AGBL5: variants seen among roughly 807,000 people sequenced by gnomAD.
AGBL5 encodes AGBL carboxypeptidase 5.
A neutral mutation model predicts 88.0 loss-of-function variants in AGBL5; 51 were observed. That is an observed-to-expected ratio of 0.58 (90% CI 0.46 to 0.73). The LOEUF is 0.73. Among genes scored for constraint, AGBL5 ranks in the 30% least tolerant of loss-of-function variants. AGBL5 has a pLI of 0.00. For missense variants in AGBL5, 1,031 were observed against 1,162.2 expected (o/e 0.89, Z 1.64); for synonymous variants, 446 against 438.8 (o/e 1.02, Z -0.21).
At chr2:27,065,370 G>A (rs763393939) in intron 11 of AGBL5, among the ~76,000 whole-genome samples, 4 of 152,092 alleles carry the variant, frequency 2.6e-5, no homozygotes, top group Non-Finnish European at 4.4e-5. Context: ...AATAAGTCTC[G>A]AGACATGAGT....
At chr2:27,069,771 C>A in intron 14 of AGBL5, 65 bp downstream of exon 14, 3 of 1,551,680 alleles carry the variant, frequency 1.9e-6, no homozygotes, top group Middle Eastern at 1.8e-4. Flanking sequence ...CCATTTCTGT[C>A]ATTCAGAATA....
rs1362720662 is a variant in AGBL5 at position 27,055,815 on chromosome 2, T to C, written c.1042T>C (p.Ser348Pro). ...VHSRLNSQSS[S>P]EHQPSSCLPP... ...CTCTCGTCTGAACTCCCAGAGTTCC[T>C]CTGAGCACCAGCCCAGTTCCTGTCT... Residue 348 changes from serine to proline, a missense_variant, in exon 7 of 15, where the codon TCT becomes CCT. This residue lies in a region of AGBL5 where 540 missense variants were observed against 678.2 expected (regional missense o/e 0.80). Coordinates refer to ENST00000360131, the MANE Select transcript of AGBL5 (RefSeq NM_021831.6). 6.2e-7 allele frequency: 1 copy of C among 1,614,194 alleles called. No individual in the cohort carries two copies.
rs1669054999 is a variant in AGBL5, at chr2:27,067,579, T to C, written c.2175T>C (p.Thr725=). The change falls in exon 12 of 15, where the codon ACT becomes ACC. Residue 725 remains threonine (T), a synonymous_variant. Coordinates refer to ENST00000360131, the MANE Select transcript of AGBL5 (RefSeq NM_021831.6). ...GCCTCGCTCCATCCCCAGCTCCTACTAGTTCTGGCCCAGCCTCCTCACACA... is the reference window on the plus strand; with the variant it reads ...GCCTCGCTCCATCCCCAGCTCCTACCAGTTCTGGCCCAGCCTCCTCACACA... ...AGSLAPSPAP[T]SSGPASSHKL... The C allele has an allele frequency of 1.2e-6, 2 of 1,613,970 alleles. No homozygotes were observed. Among genetic ancestry groups the C allele is most frequent in the Non-Finnish European group, 1.7e-6 (2 of 1,180,008 alleles).
intron 10 of AGBL5, 148 bp from the exon 11 acceptor site, chr2:27,059,042 A>T (rs1442572579): frequency 7.7e-6 from 6 of 779,500 alleles, no homozygotes; most frequent in Non-Finnish European, 1.3e-5. Context: ...TACTTCATCC[A>T]CGGACATGAA....
chr2:27,058,527 G>C lies in AGBL5; in HGVS notation c.1799G>C (p.Ser600Thr), dbSNP rs1257950641. The change falls in exon 10 of 15, where the codon AGC becomes ACC. Residue 600 changes from serine to threonine, a missense_variant. By Grantham distance (58) the Ser-to-Thr change is moderately conservative (BLOSUM62 1). Coordinates refer to ENST00000360131, the MANE Select transcript of AGBL5 (RefSeq NM_021831.6). ...TGGATGCTGAAACATGTACGCAACA[G>C]CCGAGGCCTAAGCAGCACTCTGAAT... ...RAWMLKHVRNSRGLSSTLNVG... is the reference protein window; with the variant it reads ...RAWMLKHVRNTRGLSSTLNVG... 1 of 1,614,206 alleles carries C rather than the reference G, an allele frequency of 6.2e-7. No homozygotes were observed. Among genetic ancestry groups the C allele is most frequent in the East Asian group, 2.2e-5 (1 of 44,890 alleles).
At chr2:27,059,595 G>T in intron 11 of AGBL5, 191 bp downstream of exon 11, 2 of 1,366,712 alleles carry the variant, frequency 1.5e-6, no homozygotes, top group Non-Finnish European at 2.0e-6. Context: ...GCGGTATTGT[G>T]TGTGGCCAGA....
At position 27,058,544 on chromosome 2, in the gene AGBL5, A is replaced by G; in HGVS notation, c.1816A>G (p.Thr606Ala). The change falls in exon 10 of 15, where the codon ACT becomes GCT. Residue 606 changes from threonine to alanine, a missense_variant. Transcript: ENST00000360131. ...HVRNSRGLSS[T>A]LNVGVNKKRG... ...ACGCAACAGCCGAGGCCTAAGCAGC[A>G]CTCTGAATGTGGGTGTCAACAAGAA... 2 of 1,614,146 alleles carry G rather than the reference A, an allele frequency of 1.2e-6. No individual in the cohort carries two copies. Among genetic ancestry groups the G allele is most frequent in the Non-Finnish European group, 1.7e-6 (2 of 1,180,022 alleles).
chr2:27,052,778 G>A (rs1309104224), intron 1 of AGBL5, 135 bp from the exon 2 acceptor site: 2 of 503,656 alleles, frequency 4.0e-6, no homozygotes, highest in African/African-American at 2.0e-5. Flanking sequence ...CCACTTCTAT[G>A]TTTTCTAAGA....
intron 7 of AGBL5, 168 bp downstream of exon 7, chr2:27,056,306 G>T: frequency 1.5e-6 from 1 of 674,624 alleles, no homozygotes; most frequent in South Asian, 2.0e-5. Context: ...GGCACAGGGG[G>T]ATAATGTCTC....
chr2:27,051,355 G>C (rs1315208965), upstream of AGBL5: 1 of 152,222 alleles, frequency 6.6e-6, no homozygotes, highest in Non-Finnish European at 1.5e-5. Flanking sequence ...TGGGCTACGT[G>C]TTTCATTTTA....
Position 27,052,922 on chromosome 2 carries a change from C to T in AGBL5, c.-37C>T. ...CCTTGTTTTCCCCCAGCTCTCAGGG[C>T]CAGAGCGGGGCAGGAGGATGCTTTC... On this transcript the variant is annotated 5_prime_UTR_variant, in exon 2 of 15. Transcript: ENST00000360131. 6.6e-7 allele frequency: 1 copy of T among 1,524,252 alleles called. No homozygotes were observed. Among genetic ancestry groups the T allele is most frequent in the Non-Finnish European group, 8.9e-7 (1 of 1,127,450 alleles). 94.4% of individuals were successfully genotyped at this position (1,524,252 alleles called of 1,614,324 possible). A position where few individuals can be genotyped will look rare whatever the true frequency, so the allele number is the denominator to read the frequency against.
At chr2:27,061,646 G>A (rs1255386151) in intron 11 of AGBL5, 1 of 152,202 alleles carries the variant, frequency 6.6e-6, no homozygotes, top group Non-Finnish European at 1.5e-5. Flanking sequence ...AGGATTACAG[G>A]CGTGAGCCAT....
At chr2:27,054,539 CCAGATTTTA>C (rs1231801598) in intron 4 of AGBL5, 82 bp from the exon 5 acceptor site, 8 of 1,297,880 alleles carry the variant, frequency 6.2e-6, no homozygotes, top group Non-Finnish European at 8.6e-6. Flanking sequence ...GGGTGAAGGA[CCAGATTTTA>C]CAGATCCTGG....
chr2:27,054,258 C>T (rs1192127266), intron 4 of AGBL5, 199 bp downstream of exon 4: 2 of 620,218 alleles, frequency 3.2e-6, no homozygotes, highest in Non-Finnish European at 5.3e-6. Context: ...CACCTGCCCT[C>T]CACTCTTTCA....
At position 27,055,216 on chromosome 2, in the gene AGBL5, A is replaced by T; in HGVS notation, c.871A>T (p.Met291Leu). The change falls in exon 6 of 15, where the codon ATG becomes TTG. Residue 291 changes from methionine (M) to leucine (L), a missense_variant. Met to Leu is a conservative substitution (Grantham distance 15, BLOSUM62 2). Coordinates refer to ENST00000360131, the MANE Select transcript of AGBL5 (RefSeq NM_021831.6). ...RRLFVFKLIP[M>L]LNPDGVVRGH... ...CCTCTTCGTCTTTAAGCTGATTCCC[A>T]TGTTGAACCCCGATGGTGTGGTCCG... 1 of 1,614,066 alleles carries T rather than the reference A, an allele frequency of 6.2e-7. No individual in the cohort carries two copies. The highest frequency in any genetic ancestry group is 8.5e-7 in the Non-Finnish European group (1 of 1,180,008).
chr2:27,059,234 G>C lies in AGBL5; in HGVS notation c.1919G>C (p.Arg640Pro). The change falls in exon 11 of 15, where the codon CGA becomes CCA. Residue 640 changes from arginine (R) to proline (P), a missense_variant. Around this residue, in one of 2 missense-constraint regions of AGBL5, gnomAD observed 491 missense variants for 484.0 expected, o/e 1.01. Transcript: ENST00000360131. The stretch of plus-strand genomic sequence containing the variant: ...TCCGAAAACACCTTGAGTCGGGCAC[G>C]AAGTTTTAGCACCGGCACAAGTGCC... ...SCSENTLSRA[R>P]SFSTGTSAGG... 1 of 1,614,008 alleles carries C rather than the reference G, an allele frequency of 6.2e-7. No individual in the cohort carries two copies. Among genetic ancestry groups the C allele is most frequent in the Non-Finnish European group, 8.5e-7 (1 of 1,180,008 alleles).
chr2:27,068,994 C>T lies in AGBL5; in HGVS notation c.2355+250C>T, dbSNP rs374359417. 4.0e-5 allele frequency: 58 copies of T among 1,449,572 alleles called. No individual in the cohort carries two copies. In the African/African-American group the frequency reaches 7.5e-4, roughly 19 times the overall value. The allele number at this position is 1,449,572 out of a possible 1,614,324, so 89.8% of individuals were successfully genotyped here. On this transcript the variant is annotated intron_variant, in intron 13 of 14. Coordinates refer to ENST00000360131, the MANE Select transcript of AGBL5 (RefSeq NM_021831.6). ...CCAGATATACCCCAACCTTAGCCTG[C>T]TAGCTTTGGCTTTCCCTGCCCCTGC...
chr2:27,051,192 G>A (rs560434861), upstream of AGBL5, among the ~76,000 whole-genome samples: 20 of 152,274 alleles, frequency 1.3e-4, no homozygotes, highest in African/African-American at 4.8e-4. Flanking sequence ...GTAAGGCAAA[G>A]GGAAAGAACT....
At chr2:27,058,627 G>T (rs375576562) in intron 10 of AGBL5, 25 bp downstream of exon 10, 21 of 1,610,734 alleles carry the variant, frequency 1.3e-5, no homozygotes, top group Middle Eastern at 3.5e-4. Context: ...ATAGGAGGGA[G>T]AAAGGGTAGG....
Sources: gnomAD v4.1 joint callset for allele counts (sites outside exome capture counted in the v4.1 genomes callset) on GRCh38, gnomAD v4.1.1 for gene constraint, gnomAD v4.1.1 regional missense constraint, MANE v1.5 for transcripts, NCBI Gene and HGNC (gene_info 2026-07-23, HGNC 2026-07-21) for gene names.